Variants in SETBP1 observed in about 807,000 individuals in gnomAD.
SETBP1 encodes the protein SET binding protein 1.
In SETBP1, 9 loss-of-function variants were observed where a neutral mutation model predicts 101.0. That is an observed-to-expected ratio of 0.09 (90% CI 0.05 to 0.16). SETBP1 has a LOEUF of 0.16. Among genes scored for constraint, SETBP1 ranks in the 10% least tolerant of loss-of-function variants. The probability of loss-of-function intolerance (pLI) is 1.00; values close to 1 mark genes in which losing one functional copy is unlikely to be tolerated. For missense variants in SETBP1, 1,858 were observed against 2,033.8 expected (o/e 0.91, Z 1.66); for synonymous variants, 818 against 788.5 (o/e 1.04, Z -0.63).
intron 4 of SETBP1, chr18:44,987,313 T>C (rs1020355696): frequency 2.6e-5 from 4 of 152,180 alleles, no homozygotes; most frequent in African/African-American, 9.7e-5. Context: ...TAGTCACACA[T>C]GTTTGAGACA....
intron 4 of SETBP1, among the ~76,000 whole-genome samples, chr18:45,006,178 T>A (rs1175640043): frequency 2.0e-5 from 3 of 151,986 alleles, no homozygotes; most frequent in Non-Finnish European, 4.4e-5. Flanking sequence ...GGTTTCAATC[T>A]CTTGACCTCA....
At chr18:45,003,502 C>T (rs2072659819) in intron 4 of SETBP1, among the ~76,000 whole-genome samples, 1 of 152,168 alleles carries the variant, frequency 6.6e-6, no homozygotes, top group Admixed American at 6.5e-5. Context: ...CCATCATGAA[C>T]CAGCTACATG....
chr18:44,763,382 C>G (rs563199811), intron 2 of SETBP1, among the ~76,000 whole-genome samples: 1 of 152,296 alleles, frequency 6.6e-6, no homozygotes, highest in African/African-American at 2.4e-5. Context: ...GTGTCTTCAC[C>G]TCTACAATAA....
chr18:44,756,350 T>C (rs1268677985), intron 2 of SETBP1, among the ~76,000 whole-genome samples: 1 of 152,246 alleles, frequency 6.6e-6, no homozygotes, highest in African/African-American at 2.4e-5. Flanking sequence ...TCCCAAACTT[T>C]ATTTGATCAT....
Position 44,742,969 on chromosome 18 carries a change from C to A in SETBP1, c.486+41137C>A, listed in dbSNP as rs574270078. On this transcript the variant is annotated intron_variant, in intron 2 of 5. Transcript: ENST00000649279. Reference sequence around the variant, plus strand: ...TCCTTCTCTCTCTCTCTCTCTCTCTCTCCCCCCCTGTCCCGTTACCCCTTT... The same window carrying A: ...TCCTTCTCTCTCTCTCTCTCTCTCTATCCCCCCCTGTCCCGTTACCCCTTT... Among the ~76,000 whole-genome samples, 200 of 138,566 alleles carry A rather than the reference C, an allele frequency of 1.4e-3. 1 individual carries two copies. The highest frequency in any genetic ancestry group is 5.0e-3 in the African/African-American group (187 of 37,582). 90.9% of individuals were successfully genotyped at this position (138,566 alleles called of 152,430 possible).
chr18:45,023,628 AAGTT>A (rs1018977539), intron 4 of SETBP1, among the ~76,000 whole-genome samples: 1 of 152,164 alleles, frequency 6.6e-6, no homozygotes, highest in African/African-American at 2.4e-5. Context: ...AGAGAGTTCG[AAGTT>A]AGTTAGGATG....
chr18:44,895,100 G>A (rs920270517), intron 3 of SETBP1, among the ~76,000 whole-genome samples: 1 of 143,120 alleles, frequency 7.0e-6, no homozygotes, highest in Non-Finnish European at 1.5e-5. Context: ...GGCAACAGAG[G>A]AAAATCCTGT....
intron 2 of SETBP1, among the ~76,000 whole-genome samples, chr18:44,845,829 G>A (rs1031880344): frequency 2.0e-5 from 3 of 152,210 alleles, no homozygotes; most frequent in Non-Finnish European, 1.5e-5. Flanking sequence ...CTGGGGGATG[G>A]TGGGAGGGAA....
intron 3 of SETBP1, among the ~76,000 whole-genome samples, chr18:44,879,591 C>G (rs2069484273): frequency 6.6e-6 from 1 of 152,100 alleles, no homozygotes; most frequent in Non-Finnish European, 1.5e-5. Flanking sequence ...GATTGTCCAA[C>G]AGAAAAAACA....
chr18:44,944,794 T>C (rs113510137), intron 3 of SETBP1, among the ~76,000 whole-genome samples: 1 of 152,168 alleles, frequency 6.6e-6, no homozygotes, highest in African/African-American at 2.4e-5. Flanking sequence ...TAATGAGTTA[T>C]GTGATTTTTT....
chr18:44,942,500 G>A (rs2071109486), intron 3 of SETBP1, among the ~76,000 whole-genome samples: 1 of 152,054 alleles, frequency 6.6e-6, no homozygotes, highest in Admixed American at 6.5e-5. Flanking sequence ...CTCTGATCTT[G>A]GTTTTGTCTT....
Position 45,041,365 on chromosome 18 carries a change from T to C in SETBP1, c.4171+2710T>C, listed in dbSNP as rs187597431. Among the ~76,000 whole-genome samples the C allele has an allele frequency of 1.1e-4, 17 of 152,316 alleles. No homozygotes were observed. In the East Asian group the frequency reaches 2.3e-3, roughly 21 times the overall value. On this transcript the variant is annotated intron_variant, in intron 5 of 5. Coordinates refer to ENST00000649279, the MANE Select transcript of SETBP1 (RefSeq NM_015559.3). ...TAGGTGCTTGAAATATAGTAACATA[T>C]ATAGTACTGTAATATGTATTTCTGA...
chr18:44,798,877 A>AACTT (rs1227262996), intron 2 of SETBP1, among the ~76,000 whole-genome samples: 5 of 152,188 alleles, frequency 3.3e-5, no homozygotes, highest in African/African-American at 1.2e-4. Context: ...AGGTAAGTGT[A>AACTT]ACTTGCCCAA....
chr18:44,923,687 T>C (rs1323907118), intron 3 of SETBP1, among the ~76,000 whole-genome samples: 1 of 152,204 alleles, frequency 6.6e-6, no homozygotes, highest in Non-Finnish European at 1.5e-5. Context: ...CATTAAACAG[T>C]TATCTTGATA....
chr18:44,957,994 T>G (rs1019119657), intron 4 of SETBP1, among the ~76,000 whole-genome samples: 1 of 152,188 alleles, frequency 6.6e-6, no homozygotes, highest in Non-Finnish European at 1.5e-5. Context: ...GGAGTTCAAG[T>G]AGGGTTAGGA....
chr18:44,822,909 G>T (rs905386051), intron 2 of SETBP1, among the ~76,000 whole-genome samples: 2 of 152,180 alleles, frequency 1.3e-5, no homozygotes, highest in African/African-American at 4.8e-5. Context: ...TTGGGAGGCC[G>T]AGGTGGGCGG....
chr18:44,707,642 A>C (rs1448279538), intron 2 of SETBP1, among the ~76,000 whole-genome samples: 1 of 152,244 alleles, frequency 6.6e-6, no homozygotes, highest in African/African-American at 2.4e-5. Flanking sequence ...CAAATAAATC[A>C]TGCACTTATT....
chr18:45,036,631 T>C (rs1359641601), intron 4 of SETBP1, among the ~76,000 whole-genome samples: 2 of 152,226 alleles, frequency 1.3e-5, no homozygotes, highest in Non-Finnish European at 2.9e-5. Context: ...TGCTATGAAA[T>C]ATAAACTCCA....
chr18:44,725,577 T>A (rs1202184163), intron 2 of SETBP1, among the ~76,000 whole-genome samples: 1 of 152,176 alleles, frequency 6.6e-6, no homozygotes, highest in Non-Finnish European at 1.5e-5. Flanking sequence ...CACTGATGGT[T>A]TATTCACCAG....
Sources: allele counts gnomAD v4.1 joint callset (sites outside exome capture counted in the v4.1 genomes callset), GRCh38; gene constraint gnomAD v4.1.1; transcripts MANE v1.5; gene names NCBI Gene and HGNC (gene_info 2026-07-23, HGNC 2026-07-21).